GRAMD2B: variants seen among roughly 807,000 people sequenced by gnomAD.
GRAMD2B encodes the protein GRAM domain containing 2B, also known as GRAM domain-containing protein 2B.
GRAMD2B carries 41 observed loss-of-function variants against 59.2 expected under a neutral mutation model. The ratio of observed to expected loss-of-function variants is 0.69; its 90% CI spans 0.54 to 0.90. GRAMD2B has a LOEUF of 0.90. GRAMD2B is among the 40% of genes least tolerant of loss of function. GRAMD2B has a pLI of 0.00. For missense variants in GRAMD2B, 424 were observed against 500.5 expected (o/e 0.85, Z 1.46); for synonymous variants, 161 against 182.7 (o/e 0.88, Z 0.96).
At chr5:126,467,637 A>G (rs1218698788) in intron 2 of GRAMD2B, 1 of 152,244 alleles carries the variant, frequency 6.6e-6, no homozygotes, top group African/African-American at 2.4e-5. Flanking sequence ...CAAATCTGTG[A>G]ATAATATAAA....
At chr5:126,470,910 A>C (rs1196167548) in intron 3 of GRAMD2B, among the ~76,000 whole-genome samples, 1 of 152,072 alleles carries the variant, frequency 6.6e-6, no homozygotes, top group South Asian at 2.1e-4. Context: ...TTTGCCATTT[A>C]TTACGTTGAC....
upstream of GRAMD2B, among the ~76,000 whole-genome samples, chr5:126,367,491 G>T (rs1754515881): frequency 6.6e-6 from 1 of 151,780 alleles, no homozygotes; most frequent in Non-Finnish European, 1.5e-5. Flanking sequence ...AAAGGAGGGA[G>T]AGGAGGAAAA....
At chr5:126,411,394 T>C (rs1424468888) in intron 1 of GRAMD2B, among the ~76,000 whole-genome samples, 6 of 152,258 alleles carry the variant, frequency 3.9e-5, no homozygotes, top group South Asian at 2.1e-4. Flanking sequence ...GACAACTTTG[T>C]CAAAGGTCAG....
intron 1 of GRAMD2B, among the ~76,000 whole-genome samples, chr5:126,435,411 G>A (rs1246136571): frequency 6.6e-6 from 1 of 152,180 alleles, no homozygotes; most frequent in Non-Finnish European, 1.5e-5. Context: ...TCAAATGCAT[G>A]TTTTTGATGG....
chr5:126,439,652 A>G (rs1048017896), intron 1 of GRAMD2B, among the ~76,000 whole-genome samples: 20 of 152,168 alleles, frequency 1.3e-4, no homozygotes, highest in Admixed American at 3.9e-4. Flanking sequence ...TCAAGGGAAC[A>G]AACACAAAAG....
intron 11 of GRAMD2B, 48 bp downstream of exon 11, chr5:126,485,821 G>A (rs376285794): frequency 2.8e-4 from 320 of 1,156,288 alleles, no homozygotes; most frequent in Non-Finnish European, 3.4e-4. Flanking sequence ...GATTCCATTC[G>A]CTAAAGGAAT....
chr5:126,411,895 G>T (rs1003206919), intron 1 of GRAMD2B, among the ~76,000 whole-genome samples: 1 of 145,038 alleles, frequency 6.9e-6, no homozygotes. Context: ...TTGCATTCTT[G>T]ATTTGGCTCT....
intron 1 of GRAMD2B, among the ~76,000 whole-genome samples, chr5:126,396,984 GTGTCACTTCA>G (rs548049972): frequency 4.7e-4 from 71 of 152,238 alleles, no homozygotes; most frequent in Middle Eastern, 3.4e-3. Flanking sequence ...CTTTTGAAAA[GTGTCACTTCA>G]TGTCCTCTGC....
At chr5:126,413,473 G>A (rs894052919) in intron 1 of GRAMD2B, among the ~76,000 whole-genome samples, 3 of 151,902 alleles carry the variant, frequency 2.0e-5, no homozygotes, top group Non-Finnish European at 4.4e-5. Context: ...ACTATGGCTG[G>A]TATGATTTCA....
chr5:126,425,660 G>T (rs1760494179), intron 1 of GRAMD2B, among the ~76,000 whole-genome samples: 1 of 152,182 alleles, frequency 6.6e-6, no homozygotes, highest in Admixed American at 6.5e-5. Flanking sequence ...CAGCTGCTCG[G>T]GAGGCTGAGG....
intron 1 of GRAMD2B, among the ~76,000 whole-genome samples, chr5:126,435,180 AGGGGAAT>A (rs1762208348): frequency 6.6e-6 from 1 of 152,090 alleles, no homozygotes; most frequent in Non-Finnish European, 1.5e-5. Flanking sequence ...GTCTGGGGAG[AGGGGAAT>A]GGGATGCATA....
At chr5:126,400,395 T>G (rs909092918) in intron 1 of GRAMD2B, among the ~76,000 whole-genome samples, 2 of 152,172 alleles carry the variant, frequency 1.3e-5, no homozygotes, top group Non-Finnish European at 2.9e-5. Flanking sequence ...TTTATATCTA[T>G]TAATATCATG....
chr5:126,461,668 C>A (rs937567296), intron 1 of GRAMD2B, among the ~76,000 whole-genome samples: 9 of 152,152 alleles, frequency 5.9e-5, no homozygotes, highest in Non-Finnish European at 1.2e-4. Context: ...GACATGGTGG[C>A]AGGCACCTGT....
upstream of GRAMD2B, among the ~76,000 whole-genome samples, chr5:126,369,618 C>T (rs1251829602): frequency 6.6e-6 from 1 of 152,076 alleles, no homozygotes; most frequent in Non-Finnish European, 1.5e-5. Flanking sequence ...TTATATCACT[C>T]GCTGCAGCTA....
rs749594576 is a variant in GRAMD2B at position 126,465,406 on chromosome 5, C to T, written c.84-20C>T. On this transcript the variant is annotated intron_variant, in intron 1 of 13. Transcript: ENST00000285689. ...CTCTCTCTGAATGTCTAAAGTGAAG[C>T]GGTTTCCTTTCTTCTTCAGCTCAGA... The T allele has an allele frequency of 5.6e-6, 9 of 1,613,688 alleles. No homozygotes were observed. Among genetic ancestry groups the T allele is most frequent in the African/African-American group, 2.7e-5 (2 of 74,868 alleles).
intron 11 of GRAMD2B, 100 bp from the exon 12 acceptor site, chr5:126,486,773 A>C: frequency 1.5e-6 from 1 of 659,420 alleles, no homozygotes; most frequent in Non-Finnish European, 2.7e-6. Context: ...ATTTTGGAAA[A>C]TACCTTGCCT....
chr5:126,366,538 T>A (rs1754444000), upstream of GRAMD2B, among the ~76,000 whole-genome samples: 1 of 152,228 alleles, frequency 6.6e-6, no homozygotes, highest in Admixed American at 6.5e-5. Flanking sequence ...ATACTTGAAG[T>A]TTACACATAT....
At chr5:126,408,894 G>A (rs561228270) in intron 1 of GRAMD2B, among the ~76,000 whole-genome samples, 7 of 135,568 alleles carry the variant, frequency 5.2e-5, no homozygotes, top group Non-Finnish European at 9.2e-5. Context: ...CTGTGTCCAT[G>A]TGTTCTCATT....
intron 1 of GRAMD2B, among the ~76,000 whole-genome samples, chr5:126,372,227 C>T: frequency 6.6e-6 from 1 of 152,136 alleles, no homozygotes; most frequent in East Asian, 1.9e-4. Context: ...ATTTATCTAG[C>T]AATTTATAGA....
Sources: allele counts gnomAD v4.1 joint callset (sites outside exome capture counted in the v4.1 genomes callset), GRCh38; gene constraint gnomAD v4.1.1; transcripts MANE v1.5; gene names NCBI Gene and HGNC (gene_info 2026-07-23, HGNC 2026-07-21).